PDE1C: variants seen among roughly 807,000 people sequenced by gnomAD.
PDE1C encodes the protein dual specificity calcium/calmodulin-dependent 3',5'-cyclic nucleotide phosphodiesterase 1C.
Under a neutral mutation model 93.1 loss-of-function variants are expected in PDE1C, and 62 were observed. That is an observed-to-expected ratio of 0.67 (90% confidence interval 0.54 to 0.82). The LOEUF (loss-of-function observed/expected upper bound fraction) is 0.82. PDE1C is among the 40% of genes least tolerant of loss of function. The probability of loss-of-function intolerance (pLI) is 0.00; values close to 1 mark genes in which losing one functional copy is unlikely to be tolerated. For missense variants in PDE1C, 742 were observed against 884.6 expected (o/e 0.84, Z 2.04); for synonymous variants, 325 against 310.1 (o/e 1.05, Z -0.50).
At position 32,115,158 on chromosome 7, in the gene PDE1C, C is replaced by T. The variant is rs117510516; in HGVS notation, c.308+54627G>A. 8.5e-3 allele frequency among the ~76,000 whole-genome samples: 1,299 copies of T among 152,106 alleles called. 8 individuals carry two copies. Among genetic ancestry groups the T allele is most frequent in the Middle Eastern group, 0.014 (4 of 292 alleles). On this transcript the variant is annotated intron_variant, in intron 3 of 18. Coordinates refer to the PDE1C transcript ENST00000396193. Reference sequence around the variant, plus strand: ...TAAATCATTCTATTATAAATAAACACGCCCACGTATGTTTATTGCAGCACT... The same window carrying T: ...TAAATCATTCTATTATAAATAAACATGCCCACGTATGTTTATTGCAGCACT...
intron 1 of PDE1C, among the ~76,000 whole-genome samples, chr7:32,330,892 C>A (rs546692461): frequency 1.7e-4 from 26 of 152,212 alleles, no homozygotes; most frequent in Non-Finnish European, 3.7e-4. Context: ...GAAAACAACT[C>A]CACAAGGCCA....
upstream of PDE1C, among the ~76,000 whole-genome samples, chr7:32,303,626 CT>C (rs560880504): frequency 1.2e-3 from 178 of 152,244 alleles, no homozygotes; most frequent in Non-Finnish European, 1.8e-3. Flanking sequence ...CAGAGATAAT[CT>C]AATTAAACGG....
intron 17 of PDE1C, among the ~76,000 whole-genome samples, chr7:31,770,416 A>AT (rs1480412728): frequency 6.6e-6 from 1 of 151,986 alleles, no homozygotes; most frequent in African/African-American, 2.4e-5. Flanking sequence ...CAATTACCTA[A>AT]TTTTTTCTTG....
intron 3 of PDE1C, among the ~76,000 whole-genome samples, chr7:32,082,267 A>G (rs1236679977): frequency 6.6e-6 from 1 of 152,228 alleles, no homozygotes; most frequent in Non-Finnish European, 1.5e-5. Flanking sequence ...TTGCTAGCAC[A>G]GCAGTCTGAG....
At chr7:32,153,939 C>A (rs1801415223) in intron 3 of PDE1C, among the ~76,000 whole-genome samples, 1 of 152,134 alleles carries the variant, frequency 6.6e-6, no homozygotes, top group African/African-American at 2.4e-5. Flanking sequence ...TAACAGAATT[C>A]CTAGTGATAT....
intron 3 of PDE1C, among the ~76,000 whole-genome samples, chr7:32,088,560 G>A (rs1797268851): frequency 1.3e-5 from 2 of 152,216 alleles, no homozygotes; most frequent in African/African-American, 4.8e-5. Flanking sequence ...TGCTAAGCAC[G>A]GTGCCAAATC....
At chr7:31,915,399 AT>A (rs1195353979) in intron 2 of PDE1C, among the ~76,000 whole-genome samples, 6 of 152,142 alleles carry the variant, frequency 3.9e-5, no homozygotes, top group Non-Finnish European at 7.4e-5. Flanking sequence ...CTTCCTAAAA[AT>A]CCCTGCCTAG....
intron 1 of PDE1C, among the ~76,000 whole-genome samples, chr7:32,054,968 C>T (rs1793870114): frequency 6.6e-6 from 1 of 152,104 alleles, no homozygotes; most frequent in Non-Finnish European, 1.5e-5. Context: ...CTTCTAGGGC[C>T]CCCCAAACTG....
the PDE1C span, among the ~76,000 whole-genome samples, chr7:31,645,286 A>G: frequency 6.6e-6 from 1 of 152,248 alleles, no homozygotes; most frequent in Non-Finnish European, 1.5e-5. Context: ...CTTTCAATGT[A>G]TAGAAATCAC....
intron 1 of PDE1C, among the ~76,000 whole-genome samples, chr7:32,393,880 C>G (rs897752983): frequency 2.6e-5 from 4 of 152,200 alleles, no homozygotes; most frequent in Admixed American, 6.5e-5. Context: ...CCAGGAACAT[C>G]AACACTCATC....
chr7:32,401,472 C>T (rs1456818233), intron 1 of PDE1C, among the ~76,000 whole-genome samples: 1 of 150,652 alleles, frequency 6.6e-6, no homozygotes, highest in African/African-American at 2.4e-5. Flanking sequence ...AGGAGGCAGA[C>T]GTTGCAGTGA....
intron 1 of PDE1C, among the ~76,000 whole-genome samples, chr7:32,258,257 A>G (rs1809948962): frequency 6.6e-6 from 1 of 152,242 alleles, no homozygotes; most frequent in South Asian, 2.1e-4. Context: ...CTTCAATTAT[A>G]TGATGGGAAT....
chr7:32,324,783 T>C (rs1562674480), intron 1 of PDE1C, among the ~76,000 whole-genome samples: 1 of 152,108 alleles, frequency 6.6e-6, no homozygotes, highest in East Asian at 1.9e-4. Flanking sequence ...ACCTCATCTA[T>C]ATGAAAAATT....
the PDE1C span, among the ~76,000 whole-genome samples, chr7:31,715,243 CTCT>C: frequency 1.3e-5 from 2 of 150,254 alleles, no homozygotes; most frequent in African/African-American, 4.9e-5. Flanking sequence ...ATGTAAAGGC[CTCT>C]TTTTTTTTTT....
chr7:31,972,273 A>T (rs754210501), intron 2 of PDE1C, among the ~76,000 whole-genome samples: 4 of 152,246 alleles, frequency 2.6e-5, no homozygotes, highest in Non-Finnish European at 2.9e-5. Context: ...TGATTTATTC[A>T]GATGATATCT....
intron 2 of PDE1C, among the ~76,000 whole-genome samples, chr7:31,899,967 A>G (rs1472011791): frequency 6.6e-6 from 1 of 152,112 alleles, no homozygotes; most frequent in African/African-American, 2.4e-5. Context: ...AACATTCCAC[A>G]ATACACAGGA....
At chr7:32,026,439 A>G (rs1289874221) in intron 2 of PDE1C, among the ~76,000 whole-genome samples, 1 of 152,102 alleles carries the variant, frequency 6.6e-6, no homozygotes, top group Non-Finnish European at 1.5e-5. Flanking sequence ...GAGAATTCCA[A>G]CTGAACCACT....
intron 2 of PDE1C, among the ~76,000 whole-genome samples, chr7:31,971,001 G>T (rs1410958021): frequency 1.3e-5 from 2 of 152,134 alleles, no homozygotes; most frequent in African/African-American, 4.8e-5. Flanking sequence ...AATTAGCCAG[G>T]TGTGGTAGCA....
chr7:31,872,347 T>G (rs1562951229), intron 6 of PDE1C, among the ~76,000 whole-genome samples: 1 of 152,244 alleles, frequency 6.6e-6, no homozygotes, highest in South Asian at 2.1e-4. Flanking sequence ...TTAACAAGAA[T>G]GTATTGTGCA....
Sources: allele counts gnomAD v4.1 joint callset (sites outside exome capture counted in the v4.1 genomes callset), GRCh38; gene constraint gnomAD v4.1.1; transcripts MANE v1.5; gene names NCBI Gene and HGNC (gene_info 2026-07-23, HGNC 2026-07-21).